The following FADS3 variants were observed in gnomAD, a reference collection of about 807,000 sequenced individuals.
FADS3 encodes the protein cytochrome b5-related protein.
FADS3 carries 30 observed loss-of-function variants against 60.4 expected under a neutral mutation model. That is an observed-to-expected ratio of 0.50 (90% confidence interval 0.37 to 0.67). The LOEUF is 0.67. Among genes scored for constraint, FADS3 ranks in the 30% least tolerant of loss-of-function variants. The pLI is 0.00. For missense variants in FADS3, 432 were observed against 598.3 expected (o/e 0.72, Z 2.90); for synonymous variants, 234 against 249.3 (o/e 0.94, Z 0.58).
Position 61,880,044 on chromosome 11 carries a change from C to T in FADS3, c.321G>A (p.Leu107=). The T allele has an allele frequency of 4.3e-6, 7 of 1,612,978 alleles. No individual in the cohort carries two copies. Among genetic ancestry groups the T allele is most frequent in the Non-Finnish European group, 5.9e-6 (7 of 1,179,120 alleles). The change falls in exon 2 of 12, where the codon CTG becomes CTA. Residue 107 remains leucine, a synonymous_variant. Coordinates refer to ENST00000278829, the MANE Select transcript of FADS3 (RefSeq NM_021727.5). ...APEEPSQDGP[L]NAQLVEDFRA... is the part of the protein sequence containing the mutation. Reference sequence around the variant, plus strand: ...CTCTCCTAGGGCTCTGGCTCACATTCAGGGGTCCATCCTGGCTGGGTTCTT... The same window carrying T: ...CTCTCCTAGGGCTCTGGCTCACATTTAGGGGTCCATCCTGGCTGGGTTCTT...
chr11:61,890,212 C>G (rs879186246), intron 1 of FADS3: 1 of 151,482 alleles, frequency 6.6e-6, no homozygotes, highest in Non-Finnish European at 1.5e-5. Context: ...GAGGGGCTTT[C>G]TTCCTCAAAG....
chr11:61,885,835 C>T (rs1938295478), intron 1 of FADS3, among the ~76,000 whole-genome samples: 1 of 152,132 alleles, frequency 6.6e-6, no homozygotes, highest in South Asian at 2.1e-4. Flanking sequence ...CCTCAAAGGA[C>T]ACCCCCAGGA....
In FADS3 at chr11:61,873,660, A is replaced by G. The variant is rs1189914038; in HGVS notation, c.*154T>C. 4.4e-6 allele frequency: 3 copies of G among 677,302 alleles called. No homozygotes were observed. Among genetic ancestry groups the G allele is most frequent in the Non-Finnish European group, 8.1e-6 (3 of 370,754 alleles). The allele number at this position is 677,302 out of a possible 1,614,324, so 42.0% of individuals were successfully genotyped here. ...CCAAGGCCATAGGGCTGCTGAATAC[A>G]CATGTGAGGGGGCCGAGGGGAAGAC... On this transcript the variant is annotated 3_prime_UTR_variant, in exon 12 of 12. Transcript: ENST00000278829.
In FADS3 at chr11:61,876,422, T is replaced by C; in HGVS notation, c.1017A>G (p.Thr339=). The change falls in exon 9 of 12, where the codon ACA becomes ACG. Residue 339 remains threonine, a synonymous_variant. Transcript: ENST00000278829. The surrounding 1 kb of genome is among the most constrained non-coding windows in gnomAD (Gnocchi z 5.7). ...VLESHWFVWI[T]QMNHIPKEIG... The stretch of plus-strand genomic sequence containing the variant: ...TCTCCTTGGGGATGTGGTTCATCTG[T>C]GTGATCCACACGAACCAGTGGCTTT... 6.2e-7 allele frequency: 1 copy of C among 1,613,442 alleles called. No homozygotes were observed. The highest frequency in any genetic ancestry group is 8.5e-7 in the Non-Finnish European group (1 of 1,179,994).
At chr11:61,890,032 A>T (rs975241065) in intron 1 of FADS3, among the ~76,000 whole-genome samples, 4 of 152,102 alleles carry the variant, frequency 2.6e-5, no homozygotes, top group African/African-American at 9.7e-5. Flanking sequence ...TGCACGCTCA[A>T]ATACTGCCCC....
chr11:61,874,633 C>T (rs1051199371), intron 11 of FADS3, among the ~76,000 whole-genome samples: 1 of 152,218 alleles, frequency 6.6e-6, no homozygotes, highest in Admixed American at 6.5e-5. Flanking sequence ...TGCCTGCATG[C>T]CTGCCTCGGC....
At position 61,877,009 on chromosome 11, in the gene FADS3, G is replaced by A. The variant is rs369471092; in HGVS notation, c.886-46C>T. 33 of 1,372,814 alleles carry A rather than the reference G, an allele frequency of 2.4e-5. No homozygotes were observed. The highest frequency in any genetic ancestry group is 5.8e-5 in the African/African-American group (4 of 69,154). The allele number at this position is 1,372,814 out of a possible 1,614,324, so 85.0% of individuals were successfully genotyped here. ...GATACCGAGAGGTCTCCAGGTGCCC[G>A]GAGGTCTGGAGGCCTGGTGGGTGGG... On this transcript the variant is annotated intron_variant, in intron 7 of 11. Coordinates refer to ENST00000278829, the MANE Select transcript of FADS3 (RefSeq NM_021727.5). The surrounding 1 kb of genome is among the most constrained non-coding windows in gnomAD (Gnocchi z 4.7).
At chr11:61,881,799 C>CT (rs1454450840) in intron 1 of FADS3, 1 of 152,202 alleles carries the variant, frequency 6.6e-6, no homozygotes, top group Non-Finnish European at 1.5e-5. Context: ...CCCTTGCCTG[C>CT]TTTTATAGGC....
chr11:61,881,610 A>AGG, intron 1 of FADS3: 1 of 152,314 alleles, frequency 6.6e-6, no homozygotes, highest in African/African-American at 2.4e-5. Context: ...GACTGAGGAC[A>AGG]GGGGCCTCCT....
rs373504091 is a variant in FADS3, at chr11:61,888,893, T to C, written c.213+2276A>G. Among the ~76,000 whole-genome samples, 89 of 152,212 alleles carry C rather than the reference T, an allele frequency of 5.8e-4. 2 individuals are homozygous for C. In the South Asian group the frequency reaches 0.018, roughly 31 times the overall value. ...CACCCGGCCCCAAGGAGCAGAGAGA[T>C]GTTTTTTGTTTGTTTGTTTGAGACG... is the stretch of plus-strand genomic sequence containing the variant. On this transcript the variant is annotated intron_variant, in intron 1 of 11. Coordinates refer to ENST00000278829, the MANE Select transcript of FADS3 (RefSeq NM_021727.5).
At position 61,876,424 on chromosome 11, in the gene FADS3, T is replaced by G; in HGVS notation, c.1015A>C (p.Thr339Pro). The change falls in exon 9 of 12, where the codon ACA (threonine) becomes CCA (proline). Residue 339 changes from threonine to proline, a missense_variant. By Grantham distance (38) the Thr-to-Pro change is conservative. Around this residue, in one of 5 missense-constraint regions of FADS3, gnomAD observed 48 missense variants for 101.3 expected, o/e 0.47. Coordinates refer to ENST00000278829, the MANE Select transcript of FADS3 (RefSeq NM_021727.5). This position sits in a 1 kb window ranked among gnomAD's most constrained non-coding sequence, Gnocchi z 5.7. ...TCCTTGGGGATGTGGTTCATCTGTG[T>G]GATCCACACGAACCAGTGGCTTTCC... is the stretch of plus-strand genomic sequence containing the variant. Reference protein sequence around the residue: ...VLESHWFVWITQMNHIPKEIG... With the variant: ...VLESHWFVWIPQMNHIPKEIG... 1 of 1,613,378 alleles carries G rather than the reference T, an allele frequency of 6.2e-7. No homozygotes were observed. Among genetic ancestry groups the G allele is most frequent in the Non-Finnish European group, 8.5e-7 (1 of 1,179,974 alleles).
At chr11:61,891,575 C>T (rs1425728055), upstream of FADS3, 2 of 250,868 alleles carry the variant, frequency 8.0e-6, no homozygotes, top group African/African-American at 2.3e-5. Flanking sequence ...GCCTTATAAC[C>T]GCGCGGACGG....
At chr11:61,881,759 A>C (rs1233836559) in intron 1 of FADS3, 1 of 152,128 alleles carries the variant, frequency 6.6e-6, no homozygotes, top group East Asian at 1.9e-4. Flanking sequence ...ACCCACTAAG[A>C]GGTAACACCT....
Position 61,873,710 on chromosome 11 carries a change from G to T in FADS3, c.*104C>A. The T allele has an allele frequency of 1.3e-6, 1 of 793,654 alleles. No individual in the cohort carries two copies. Among genetic ancestry groups the T allele is most frequent in the Non-Finnish European group, 2.2e-6 (1 of 458,328 alleles). The allele number at this position is 793,654 out of a possible 1,614,324, so 49.2% of individuals were successfully genotyped here. A position where few individuals can be genotyped will look rare whatever the true frequency, so the allele number is the denominator to read the frequency against. Reference sequence around the variant, plus strand: ...CAACAGTACCAGGAGGGCAGGCAGGGCACCCCCAGGCTGGCCAGTGGAGGG... The same window carrying T: ...CAACAGTACCAGGAGGGCAGGCAGGTCACCCCCAGGCTGGCCAGTGGAGGG... On this transcript the variant is annotated 3_prime_UTR_variant, in exon 12 of 12. Coordinates refer to ENST00000278829, the MANE Select transcript of FADS3 (RefSeq NM_021727.5).
At chr11:61,878,925 A>G in intron 3 of FADS3, 78 bp from the exon 4 acceptor site, 1 of 1,184,640 alleles carries the variant, frequency 8.4e-7, no homozygotes, top group Non-Finnish European at 1.2e-6. Context: ...GAATCCTTTC[A>G]GCTTGCAGGG....
At chr11:61,878,236 T>G in intron 5 of FADS3, 21 bp from the exon 6 acceptor site, 1 of 1,613,438 alleles carries the variant, frequency 6.2e-7, no homozygotes, top group Non-Finnish European at 8.5e-7. Flanking sequence ...AGGCGGCGGC[T>G]GGAGACAGCA....
Position 61,877,699 on chromosome 11 carries a change from G to T in FADS3, c.809-112C>A. The T allele has an allele frequency of 1.0e-6, 1 of 970,096 alleles. No homozygotes were observed. The highest frequency in any genetic ancestry group is 1.6e-6 in the Non-Finnish European group (1 of 636,620). The allele number at this position is 970,096 out of a possible 1,614,324, so 60.1% of individuals were successfully genotyped here. On this transcript the variant is annotated intron_variant, in intron 6 of 11. Transcript: ENST00000278829. This position sits in a 1 kb window ranked among gnomAD's most constrained non-coding sequence, Gnocchi z 4.7. ...GGAATGCCCCTGGGACGTTGGTGCT[G>T]GTCACATCCAGCTGAATGACCCCAT...
chr11:61,878,695 G>A (rs991523054), intron 4 of FADS3, 51 bp downstream of exon 4: 2 of 1,612,200 alleles, frequency 1.2e-6, no homozygotes, highest in East Asian at 4.5e-5. Context: ...CACACACTTG[G>A]GCAGACCCAG....
In FADS3 at chr11:61,878,211, C is replaced by T. The variant is rs1462525880; in HGVS notation, c.752G>A (p.Gly251Asp). ...GGGTAGGTATCTGCGTTTCTTCTTGCCATACTGTGGAGACAGGCGGCGGCT... is the reference window on the plus strand; with the variant it reads ...GGGTAGGTATCTGCGTTTCTTCTTGTCATACTGTGGAGACAGGCGGCGGCT... ...FLLGESSVEYGKKKRRYLPYN... is the reference protein window; with the variant it reads ...FLLGESSVEYDKKKRRYLPYN... The change falls in exon 6 of 12, where the codon GGC becomes GAC. Residue 251 changes from glycine (G) to aspartate (D), a missense_variant. Gly to Asp is a moderately conservative substitution (Grantham distance 94). Transcript: ENST00000278829. 6.2e-7 allele frequency: 1 copy of T among 1,614,030 alleles called. No homozygotes were observed. The highest frequency in any genetic ancestry group is 1.7e-5 in the Admixed American group (1 of 60,004).
Sources: allele counts gnomAD v4.1 joint callset (sites outside exome capture counted in the v4.1 genomes callset), GRCh38; gene constraint gnomAD v4.1.1; regional missense constraint gnomAD v4.1.1; non-coding constraint Gnocchi (gnomAD v3.1); transcripts MANE v1.5; gene names NCBI Gene and HGNC (gene_info 2026-07-23, HGNC 2026-07-21).